The following B3GNT4 variants were observed in gnomAD, a reference collection of about 807,000 sequenced individuals.
B3GNT4 encodes N-acetyllactosaminide beta-1,3-N-acetylglucosaminyltransferase 4.
Under a neutral mutation model 2.7 loss-of-function variants are expected in B3GNT4, and 2 were observed. That is an observed-to-expected ratio of 0.73 (90% CI 0.30 to 2.31). The LOEUF is 2.31. B3GNT4 is among the 30% of genes most tolerant of loss of function. The pLI is 0.12. For synonymous variants in B3GNT4, 280 were observed against 203.4 expected, an observed-to-expected ratio of 1.38 and a Z score of -3.20; for missense variants, 708 against 490.9, an observed-to-expected ratio of 1.44 and a Z score of -4.18.
chr12:122,207,174 T>C lies in B3GNT4; in HGVS notation c.923T>C (p.Val308Ala). 1.2e-6 allele frequency: 2 copies of C among 1,614,030 alleles called. No homozygotes were observed. Among genetic ancestry groups the C allele is most frequent in the Non-Finnish European group, 1.7e-6 (2 of 1,179,992 alleles). ...AELFPIDDVF[V>A]GMCLRRLGLS... ...CTCTTCCCCATTGATGATGTCTTTG[T>C]GGGTATGTGCCTGAGGCGGCTGGGG... The change falls in exon 3 of 3, where the codon GTG becomes GCG. Residue 308 changes from valine to alanine, a missense_variant. Transcript: ENST00000324189.
rs1953932032 is a variant in B3GNT4, at chr12:122,206,983, A to T, written c.732A>T (p.Gly244=). Residue 244 remains glycine (G), a synonymous_variant, in exon 3 of 3, where the codon GGA becomes GGT. Coordinates refer to ENST00000324189, the MANE Select transcript of B3GNT4 (RefSeq NM_030765.4). ...GWDPAQDLLV[G]DVIRQALPNR... Reference sequence around the variant, plus strand: ...ACCCAGCCCAGGACCTCCTGGTGGGAGATGTCATCCGCCAAGCCCTGCCCA... The same window carrying T: ...ACCCAGCCCAGGACCTCCTGGTGGGTGATGTCATCCGCCAAGCCCTGCCCA... The T allele has an allele frequency of 6.2e-7, 1 of 1,613,832 alleles. No homozygotes were observed. The highest frequency in any genetic ancestry group is 1.1e-5 in the South Asian group (1 of 91,086).
chr12:122,206,050 A>C (rs1333303096), intron 2 of B3GNT4: 2 of 426,556 alleles, frequency 4.7e-6, no homozygotes, highest in Non-Finnish European at 8.2e-6. Context: ...TTATGGTGTC[A>C]GCTGTAAAGT....
rs1593163559 is a variant in B3GNT4, at chr12:122,208,020, T to A, written c.*632T>A. 2.0e-6 allele frequency: 1 copy of A among 503,778 alleles called. No individual in the cohort carries two copies. Among genetic ancestry groups the A allele is most frequent in the African/African-American group, 1.9e-5 (1 of 51,954 alleles). 31.2% of individuals were successfully genotyped at this position (503,778 alleles called of 1,614,324 possible). A position where few individuals can be genotyped will look rare whatever the true frequency, so the allele number is the denominator to read the frequency against. The stretch of plus-strand genomic sequence containing the variant: ...ACTAAATCATTTTTGACGACGTAAA[T>A]AAGACTGAAAACAGGTTAAACAGTT... On this transcript the variant is annotated 3_prime_UTR_variant, in exon 3 of 3. Coordinates refer to ENST00000324189, the MANE Select transcript of B3GNT4 (RefSeq NM_030765.4).
intron 1 of B3GNT4, among the ~76,000 whole-genome samples, chr12:122,204,196 G>A (rs911955306): frequency 2.1e-4 from 32 of 151,892 alleles, no homozygotes; most frequent in African/African-American, 6.7e-4. Context: ...CCCCCTGCCC[G>A]CGCCAGGGCG....
At position 122,208,925 on chromosome 12, in the gene B3GNT4, T is replaced by A. The variant is rs1954009610; in HGVS notation, c.*1537T>A. On this transcript the variant is annotated 3_prime_UTR_variant, in exon 3 of 3. Coordinates refer to ENST00000324189, the MANE Select transcript of B3GNT4 (RefSeq NM_030765.4). ...CCATTTCTTTTTGACAAAGAGATCATGAATAAAATTGTCAAAGATCCCTTT... is the reference window on the plus strand; with the variant it reads ...CCATTTCTTTTTGACAAAGAGATCAAGAATAAAATTGTCAAAGATCCCTTT... 2.6e-6 allele frequency: 1 copy of A among 378,522 alleles called. No homozygotes were observed. Among genetic ancestry groups the A allele is most frequent in the Middle Eastern group, 8.5e-4 (1 of 1,180 alleles). The allele number at this position is 378,522 out of a possible 1,614,324, so 23.4% of individuals were successfully genotyped here. A position where few individuals can be genotyped will look rare whatever the true frequency, so the allele number is the denominator to read the frequency against.
At chr12:122,206,054 G>C (rs1953909490) in intron 2 of B3GNT4, 1 of 440,142 alleles carries the variant, frequency 2.3e-6, no homozygotes, top group African/African-American at 2.0e-5. Context: ...GGTGTCAGCT[G>C]TAAAGTGGCT....
rs770319711 is a variant in B3GNT4 at position 122,206,350 on chromosome 12, G to A, written c.99G>A (p.Leu33=). Residue 33 remains leucine (L), a synonymous_variant, in exon 3 of 3, where the codon CTG becomes CTA. Coordinates refer to ENST00000324189, the MANE Select transcript of B3GNT4 (RefSeq NM_030765.4). ...GPAMLCRLCW[L]VSYSLAVLLL... ...CGATGCTCTGCAGGCTGTGCTGGCT[G>A]GTCTCGTACAGCTTGGCTGTGCTGT... The A allele has an allele frequency of 4.4e-6, 7 of 1,596,908 alleles. No homozygotes were observed. In the African/African-American group the frequency reaches 8.0e-5, roughly 18 times the overall value.
chr12:122,204,727 AC>A, intron 2 of B3GNT4, 43 bp downstream of exon 2: 1 of 1,503,152 alleles, frequency 6.7e-7, no homozygotes, highest in Non-Finnish European at 9.2e-7. Context: ...CTTGTCCCCC[AC>A]CCCCGCATAG....
At chr12:122,206,059 G>A (rs977737912) in intron 2 of B3GNT4, 2 of 441,966 alleles carry the variant, frequency 4.5e-6, no homozygotes, top group African/African-American at 4.0e-5. Flanking sequence ...CAGCTGTAAA[G>A]TGGCTGCAAG....
intron 2 of B3GNT4, chr12:122,206,013 G>A (rs1953908948): frequency 5.3e-6 from 2 of 378,018 alleles, no homozygotes. Flanking sequence ...AGGTGCTCGA[G>A]TTTCCTGGAA....
chr12:122,205,547 C>G (rs1953902883), intron 2 of B3GNT4: 1 of 152,640 alleles, frequency 6.6e-6, no homozygotes, highest in Non-Finnish European at 1.5e-5. Flanking sequence ...AAACTGAAGA[C>G]AGGCTTTGCT....
In B3GNT4 at chr12:122,206,660, A is replaced by C; in HGVS notation, c.409A>C (p.Ile137Leu). ...TGGTCACGTGGAGCGACGTGCGGCT[A>C]TCCGCAGCACGTGGGGCAGGGTGGG... is the stretch of plus-strand genomic sequence containing the variant. ...QPGHVERRAA[I>L]RSTWGRVGGW... Residue 137 changes from isoleucine (I) to leucine (L), a missense_variant, in exon 3 of 3, where the codon ATC (isoleucine) becomes CTC (leucine). By Grantham distance (5) the Ile-to-Leu change is conservative. Coordinates refer to ENST00000324189, the MANE Select transcript of B3GNT4 (RefSeq NM_030765.4). 1 of 1,613,620 alleles carries C rather than the reference A, an allele frequency of 6.2e-7. No individual in the cohort carries two copies. The highest frequency in any genetic ancestry group is 1.3e-5 in the African/African-American group (1 of 75,038).
At position 122,204,534 on chromosome 12, in the gene B3GNT4, G is replaced by C. The variant is rs1423371266; in HGVS notation, c.-85G>C. 5 of 1,190,280 alleles carry C rather than the reference G, an allele frequency of 4.2e-6. No homozygotes were observed. In the East Asian group the frequency reaches 1.2e-4, roughly 29 times the overall value. 73.7% of individuals were successfully genotyped at this position (1,190,280 alleles called of 1,614,324 possible). ...CTCTCGTCCACAGCCCGCGGTGCTC[G>C]CACACCTGAGACTCATCTCGCTTCG... is the stretch of plus-strand genomic sequence containing the variant. On this transcript the variant is annotated 5_prime_UTR_variant, in exon 2 of 3. Transcript: ENST00000324189.
At chr12:122,203,859 G>C (rs557465150) in intron 1 of B3GNT4, 58 bp downstream of exon 1, 6 of 154,968 alleles carry the variant, frequency 3.9e-5, no homozygotes, top group African/African-American at 1.4e-4. Context: ...CGTGCAGGGA[G>C]GGGCGTCGCC....
At chr12:122,206,227 C>T in intron 2 of B3GNT4, 91 bp from the exon 3 acceptor site, 1 of 1,055,710 alleles carries the variant, frequency 9.5e-7, no homozygotes, top group South Asian at 1.6e-5. Context: ...CCAGCAGGGA[C>T]TTAGCGGCTG....
chr12:122,207,152 T>C lies in B3GNT4; in HGVS notation c.901T>C (p.Phe301Leu). The C allele has an allele frequency of 6.2e-7, 1 of 1,614,026 alleles. No individual in the cohort carries two copies. The highest frequency in any genetic ancestry group is 1.1e-5 in the South Asian group (1 of 91,040). The change falls in exon 3 of 3, where the codon TTC (phenylalanine) becomes CTC (leucine). Residue 301 changes from phenylalanine (F) to leucine (L), a missense_variant. By Grantham distance (22) the Phe-to-Leu change is conservative. Transcript: ENST00000324189. The part of the protein sequence containing the change: ...LQAIMEDAEL[F>L]PIDDVFVGMC... ...GGCTATCATGGAAGATGCTGAACTC[T>C]TCCCCATTGATGATGTCTTTGTGGG... is the stretch of plus-strand genomic sequence containing the variant.
In B3GNT4 at chr12:122,204,587, C is replaced by T; in HGVS notation, c.-32C>T. On this transcript the variant is annotated 5_prime_UTR_variant, in exon 2 of 3. Transcript: ENST00000324189. ...CCCGCCGCCGCCGCCGCCCGGCATCCTGAGCACGGAGACAGTCTCCAGCTG... is the reference window on the plus strand; with the variant it reads ...CCCGCCGCCGCCGCCGCCCGGCATCTTGAGCACGGAGACAGTCTCCAGCTG... The T allele has an allele frequency of 7.6e-6, 12 of 1,586,828 alleles. No homozygotes were observed. Among genetic ancestry groups the T allele is most frequent in the South Asian group, 2.2e-5 (2 of 90,294 alleles).
At position 122,206,488 on chromosome 12, in the gene B3GNT4, CCA is replaced by C. The variant is rs757016083; in HGVS notation, c.242_243del (p.Thr81SerfsTer3). 2.3e-5 allele frequency: 37 copies of C among 1,614,084 alleles called. No individual in the cohort carries two copies. Among genetic ancestry groups the C allele is most frequent in the Non-Finnish European group, 2.9e-5 (34 of 1,180,040 alleles). On this transcript the variant is annotated frameshift_variant, in exon 3 of 3. Transcript: ENST00000324189. LOFTEE classifies it low-confidence loss of function (END_TRUNC). Reference sequence around the variant, plus strand: ...CCCGTCACAGCCGGTGTCCACCCAACCACACAGTGTCTAGCGCCTCTCTGTCC... The same window carrying C: ...CCCGTCACAGCCGGTGTCCACCCAACCACAGTGTCTAGCGCCTCTCTGTCC... ...TPRHSRCPPN[H>X]TVSSASLSLP... is the part of the protein sequence containing the mutation.
At chr12:122,206,232 C>A in intron 2 of B3GNT4, 86 bp from the exon 3 acceptor site, 1 of 1,104,532 alleles carries the variant, frequency 9.1e-7, no homozygotes, top group Non-Finnish European at 1.3e-6. Context: ...AGGGACTTAG[C>A]GGCTGGGGTG....
Sources: allele counts gnomAD v4.1 joint callset (sites outside exome capture counted in the v4.1 genomes callset), GRCh38; gene constraint gnomAD v4.1.1; transcripts MANE v1.5; gene names NCBI Gene and HGNC (gene_info 2026-07-23, HGNC 2026-07-21).